CLVS1: variants seen among roughly 807,000 people sequenced by gnomAD.
CLVS1 encodes the protein clavesin-1.
CLVS1 carries 10 observed loss-of-function variants against 33.1 expected under a neutral mutation model. The ratio of observed to expected loss-of-function variants is 0.30; its 90% CI spans 0.19 to 0.51. The LOEUF (loss-of-function observed/expected upper bound fraction) is 0.51, where lower values mean the gene tolerates loss of function less well. Among genes scored for constraint, CLVS1 ranks in the 20% least tolerant of loss-of-function variants. CLVS1 has a pLI of 0.97. For missense variants in CLVS1, 343 were observed against 433.4 expected, an observed-to-expected ratio of 0.79 and a Z score of 1.85; for synonymous variants, 163 against 166.1, an observed-to-expected ratio of 0.98 and a Z score of 0.14.
At chr8:61,411,155 T>C (rs1815207675) in intron 3 of CLVS1, among the ~76,000 whole-genome samples, 1 of 152,184 alleles carries the variant, frequency 6.6e-6, no homozygotes, top group South Asian at 2.1e-4. Context: ...AGATTCACTA[T>C]AGAAATATAT....
At chr8:61,047,599 A>G in the CLVS1 span, among the ~76,000 whole-genome samples, 3 of 152,254 alleles carry the variant, frequency 2.0e-5, no homozygotes, top group African/African-American at 7.2e-5. Context: ...ACACCATGGA[A>G]TACTATGCAG....
At chr8:61,103,788 C>T (rs991106679) in intron 1 of CLVS1, among the ~76,000 whole-genome samples, 2 of 152,186 alleles carry the variant, frequency 1.3e-5, no homozygotes, top group South Asian at 2.1e-4. Context: ...ATGTGCTGAA[C>T]ACTTGAGCTG....
Position 61,401,759 on chromosome 8 carries a change from A to G in CLVS1, c.630+24980A>G, listed in dbSNP as rs111779622. 8.9e-3 allele frequency among the ~76,000 whole-genome samples: 1,350 copies of G among 152,318 alleles called. 12 individuals are homozygous for G. The highest frequency in any genetic ancestry group is 0.03 in the African/African-American group (1,267 of 41,576). On this transcript the variant is annotated intron_variant, in intron 3 of 5. Coordinates refer to ENST00000325897, the MANE Select transcript of CLVS1 (RefSeq NM_173519.3). ...AGAACTCAAATAGCCAACCACGACA[A>G]TCCTAAGTAAAAAGAACAAAGCTGG...
At chr8:61,013,994 G>C in the CLVS1 span, among the ~76,000 whole-genome samples, 1 of 151,922 alleles carries the variant, frequency 6.6e-6, no homozygotes, top group African/African-American at 2.4e-5. Context: ...AAATCAGCTC[G>C]ATGCACTTGG....
chr8:61,148,588 C>T (rs1379444908), intron 2 of CLVS1, among the ~76,000 whole-genome samples: 4 of 152,182 alleles, frequency 2.6e-5, no homozygotes, highest in Non-Finnish European at 4.4e-5. Context: ...TAACAAGATA[C>T]AGGTTCCTCC....
chr8:61,051,287 C>T, the CLVS1 span, among the ~76,000 whole-genome samples: 250 of 152,370 alleles, frequency 1.6e-3, 3 homozygotes, highest in Non-Finnish European at 3.8e-4. Flanking sequence ...ACCCACTCAA[C>T]CCTCTGGGCC....
At chr8:61,194,531 G>A (rs75768153) in intron 2 of CLVS1, among the ~76,000 whole-genome samples, 3 of 151,932 alleles carry the variant, frequency 2.0e-5, no homozygotes, top group East Asian at 1.9e-4. Context: ...TGAGAATTTA[G>A]CAATTTTAAG....
At chr8:61,168,632 C>A (rs568604931) in intron 2 of CLVS1, among the ~76,000 whole-genome samples, 1 of 152,306 alleles carries the variant, frequency 6.6e-6, no homozygotes, top group South Asian at 2.1e-4. Flanking sequence ...CTGCAAATCT[C>A]CAAACTAATG....
chr8:61,179,945 C>G (rs993614492), intron 2 of CLVS1, among the ~76,000 whole-genome samples: 5 of 152,060 alleles, frequency 3.3e-5, no homozygotes, highest in African/African-American at 1.2e-4. Context: ...GAGGCAAGAG[C>G]AAACAAATCC....
chr8:61,393,273 A>G (rs1426519706), intron 3 of CLVS1, among the ~76,000 whole-genome samples: 1 of 151,992 alleles, frequency 6.6e-6, no homozygotes, highest in African/African-American at 2.4e-5. Flanking sequence ...TCTTTATTAT[A>G]TATATTTCTT....
chr8:61,347,063 A>G (rs979206035), intron 2 of CLVS1, among the ~76,000 whole-genome samples: 2 of 152,184 alleles, frequency 1.3e-5, no homozygotes, highest in Admixed American at 6.5e-5. Flanking sequence ...AACTAACTCT[A>G]AGGAGCATGA....
intron 3 of CLVS1, among the ~76,000 whole-genome samples, chr8:61,381,157 C>CTT (rs112600402): frequency 5.4e-5 from 8 of 148,328 alleles, no homozygotes; most frequent in Admixed American, 1.3e-4. Context: ...ATTGTGTGAC[C>CTT]TTTTTTTTTT....
intron 2 of CLVS1, among the ~76,000 whole-genome samples, chr8:61,342,449 C>G (rs914195829): frequency 6.6e-6 from 1 of 152,194 alleles, no homozygotes; most frequent in East Asian, 1.9e-4. Flanking sequence ...CCCTGAGAAG[C>G]GCTTGTCTGC....
At chr8:61,148,599 A>C (rs985300287) in intron 2 of CLVS1, among the ~76,000 whole-genome samples, 1 of 152,232 alleles carries the variant, frequency 6.6e-6, no homozygotes. Context: ...AGGTTCCTCC[A>C]GGCTTTTGCA....
At chr8:61,135,968 C>A (rs866638718) in intron 2 of CLVS1, among the ~76,000 whole-genome samples, 19 of 152,260 alleles carry the variant, frequency 1.2e-4, no homozygotes, top group African/African-American at 3.9e-4. Flanking sequence ...TGCTCTAGAG[C>A]AGCCGCTCTG....
chr8:61,001,674 C>A, the CLVS1 span, among the ~76,000 whole-genome samples: 2 of 152,236 alleles, frequency 1.3e-5, no homozygotes, highest in African/African-American at 2.4e-5. Flanking sequence ...CAAGTGCAAA[C>A]TCCTTTGACT....
At chr8:61,303,523 A>G (rs1354576704) in intron 2 of CLVS1, among the ~76,000 whole-genome samples, 2 of 152,190 alleles carry the variant, frequency 1.3e-5, no homozygotes, top group Non-Finnish European at 2.9e-5. Flanking sequence ...TTTCAAAGTA[A>G]TCTCTTTTTG....
chr8:61,087,860 T>C (rs1412130717), intron 1 of CLVS1, among the ~76,000 whole-genome samples: 24 of 152,226 alleles, frequency 1.6e-4, no homozygotes, highest in Admixed American at 1.5e-3. Flanking sequence ...ATAAACCCCA[T>C]GAATCCACCA....
At chr8:61,354,098 A>G (rs1426793688) in intron 2 of CLVS1, among the ~76,000 whole-genome samples, 1 of 152,064 alleles carries the variant, frequency 6.6e-6, no homozygotes, top group Non-Finnish European at 1.5e-5. Context: ...CATAAATTTA[A>G]AACTCTTGAA....
Sources: allele counts gnomAD v4.1 joint callset (sites outside exome capture counted in the v4.1 genomes callset), GRCh38; gene constraint gnomAD v4.1.1; transcripts MANE v1.5; gene names NCBI Gene and HGNC (gene_info 2026-07-23, HGNC 2026-07-21).